Variants in ACBD6 observed in about 807,000 individuals in gnomAD.
ACBD6 encodes the protein acyl-CoA binding domain containing 6.
A neutral mutation model predicts 37.2 loss-of-function variants in ACBD6; 28 were observed. That is an observed-to-expected ratio of 0.75 (90% CI 0.56 to 1.03). ACBD6 has a LOEUF of 1.03. ACBD6 is among the 50% of genes least tolerant of loss of function. The pLI is 0.00. For missense variants in ACBD6, 340 were observed against 337.4 expected (o/e 1.01, Z -0.06); for synonymous variants, 113 against 126.8 (o/e 0.89, Z 0.73).
At chr1:180,316,117 G>A (rs1436681062) in intron 6 of ACBD6, among the ~76,000 whole-genome samples, 2 of 152,088 alleles carry the variant, frequency 1.3e-5, no homozygotes. Context: ...ACAGGTAGGG[G>A]AAGAGAGCTA....
chr1:180,370,331 T>G (rs770175135), intron 6 of ACBD6, among the ~76,000 whole-genome samples: 2 of 152,124 alleles, frequency 1.3e-5, no homozygotes, highest in African/African-American at 2.4e-5. Context: ...AACTGTGTGT[T>G]TGTGTGTGTG....
intron 5 of ACBD6, among the ~76,000 whole-genome samples, chr1:180,412,729 G>A (rs6702245): frequency 0.16 from 23,988 of 152,042 alleles, 1,951 homozygotes; most frequent in Middle Eastern, 0.22. Context: ...AGCCAGGAGT[G>A]ACAGCACATG....
intron 6 of ACBD6, among the ~76,000 whole-genome samples, chr1:180,346,212 A>C (rs1652178098): frequency 6.6e-6 from 1 of 152,250 alleles, no homozygotes; most frequent in Non-Finnish European, 1.5e-5. Context: ...ATCGTGGAGT[A>C]ATCTTAGGAG....
chr1:180,424,588 G>C (rs1349794623), intron 4 of ACBD6, among the ~76,000 whole-genome samples: 1 of 152,066 alleles, frequency 6.6e-6, no homozygotes, highest in Non-Finnish European at 1.5e-5. Context: ...AATGGATACA[G>C]TATACCCACA....
intron 7 of ACBD6, among the ~76,000 whole-genome samples, chr1:180,304,338 G>A (rs1456131569): frequency 6.6e-6 from 1 of 150,844 alleles, no homozygotes; most frequent in Non-Finnish European, 1.5e-5. Context: ...CAGATGACAT[G>A]ACTGTGTATC....
At chr1:180,467,114 T>C (rs1264593893) in intron 3 of ACBD6, among the ~76,000 whole-genome samples, 1 of 152,024 alleles carries the variant, frequency 6.6e-6, no homozygotes, top group African/African-American at 2.4e-5. Context: ...AATTCTTTTA[T>C]ATCTTTTATT....
chr1:180,374,330 T>C (rs1256988107), intron 6 of ACBD6, among the ~76,000 whole-genome samples: 1 of 152,230 alleles, frequency 6.6e-6, no homozygotes, highest in Non-Finnish European at 1.5e-5. Context: ...GAGAAGAGTT[T>C]AGTATTTTAC....
At chr1:180,343,659 T>C (rs983161460) in intron 6 of ACBD6, among the ~76,000 whole-genome samples, 10 of 152,218 alleles carry the variant, frequency 6.6e-5, no homozygotes, top group Non-Finnish European at 1.5e-4. Context: ...GTTCTTCTGC[T>C]CCTTTGAAGG....
chr1:180,425,366 T>C (rs1557864564), intron 4 of ACBD6, among the ~76,000 whole-genome samples: 1 of 152,220 alleles, frequency 6.6e-6, no homozygotes, highest in South Asian at 2.1e-4. Flanking sequence ...CCTCAAAGAA[T>C]AACCAGAATT....
intron 6 of ACBD6, among the ~76,000 whole-genome samples, chr1:180,323,018 C>T (rs1651131955): frequency 6.6e-6 from 1 of 151,736 alleles, no homozygotes; most frequent in Admixed American, 6.6e-5. Flanking sequence ...TCTCTTGGTA[C>T]TGCTTTCACT....
In ACBD6 at chr1:180,381,739, T is replaced by C. The variant is rs1208256708; in HGVS notation, c.663+15777A>G. Among the ~76,000 whole-genome samples the C allele has an allele frequency of 3.9e-5, 6 of 152,274 alleles. No homozygotes were observed. In the East Asian group the frequency reaches 7.7e-4, roughly 20 times the overall value. On this transcript the variant is annotated intron_variant, in intron 6 of 7. Transcript: ENST00000367595. ...AAAACAGTGTTAAGAAGGAAGTTTA[T>C]AGCAATATAAACCTTCATCAAAAAA... is the stretch of plus-strand genomic sequence containing the variant.
intron 3 of ACBD6, among the ~76,000 whole-genome samples, chr1:180,465,714 T>C (rs1650322836): frequency 6.6e-6 from 1 of 152,176 alleles, no homozygotes; most frequent in Non-Finnish European, 1.5e-5. Context: ...TGCATATGAA[T>C]GTTCACTGCA....
At chr1:180,359,038 T>C (rs1323186686) in intron 6 of ACBD6, among the ~76,000 whole-genome samples, 2 of 152,160 alleles carry the variant, frequency 1.3e-5, no homozygotes, top group African/African-American at 4.8e-5. Flanking sequence ...AAGGTGGTGC[T>C]GGAAGGGAAT....
At chr1:180,288,127 G>T, downstream of ACBD6, 1 of 497,282 alleles carries the variant, frequency 2.0e-6, no homozygotes. Flanking sequence ...TTCAGAGCAT[G>T]CTCAGCAGAA....
Position 180,460,550 on chromosome 1 carries a change from G to A in ACBD6, c.385-30288C>T, listed in dbSNP as rs141406102. Among the ~76,000 whole-genome samples, 960 of 150,582 alleles carry A rather than the reference G, an allele frequency of 6.4e-3. 10 individuals carry two copies. The highest frequency in any genetic ancestry group is 0.022 in the African/African-American group (912 of 40,934). On this transcript the variant is annotated intron_variant, in intron 3 of 7. Coordinates refer to ENST00000367595, the MANE Select transcript of ACBD6 (RefSeq NM_032360.4). ...TCAGCAACAAGTCTGTACCCTCCCT[G>A]GGATGGAGCTCCCAGAGGAAGGGGC...
At chr1:180,489,098 G>A (rs766034257) in intron 3 of ACBD6, among the ~76,000 whole-genome samples, 2 of 151,948 alleles carry the variant, frequency 1.3e-5, no homozygotes, top group Non-Finnish European at 2.9e-5. Flanking sequence ...CCTGGGAGGC[G>A]GAGGGTGCAG....
intron 6 of ACBD6, among the ~76,000 whole-genome samples, chr1:180,335,586 T>G (rs1651678712): frequency 1.3e-5 from 2 of 151,988 alleles, no homozygotes; most frequent in Non-Finnish European, 2.9e-5. Context: ...ATCGAGGCTA[T>G]GAAGAAACTG....
intron 6 of ACBD6, among the ~76,000 whole-genome samples, chr1:180,348,380 C>A (rs569922726): frequency 6.6e-6 from 1 of 152,066 alleles, no homozygotes; most frequent in South Asian, 2.1e-4. Context: ...AAAAAATGAA[C>A]GGAAATGATC....
chr1:180,318,324 T>C (rs919964032), intron 6 of ACBD6, among the ~76,000 whole-genome samples: 3 of 152,182 alleles, frequency 2.0e-5, no homozygotes, highest in African/African-American at 7.2e-5. Context: ...TTTGATATAT[T>C]TGAACATTTT....
Sources: allele counts gnomAD v4.1 joint callset (sites outside exome capture counted in the v4.1 genomes callset), GRCh38; gene constraint gnomAD v4.1.1; transcripts MANE v1.5; gene names NCBI Gene and HGNC (gene_info 2026-07-23, HGNC 2026-07-21).